Variants in FXYD4 observed in about 807,000 individuals in gnomAD.
FXYD4 encodes FXYD domain-containing ion transport regulator 4.
In FXYD4, 14 loss-of-function variants were observed where a neutral mutation model predicts 18.3. The ratio of observed to expected loss-of-function variants is 0.77; its 90% CI spans 0.51 to 1.20. The LOEUF (loss-of-function observed/expected upper bound fraction) is 1.20. Among genes scored for constraint, FXYD4 ranks in the 50% most tolerant of loss-of-function variants. The pLI is 0.00. For synonymous variants in FXYD4, 40 were observed against 40.5 expected (o/e 0.99, Z 0.04); for missense variants, 99 against 106.1 (o/e 0.93, Z 0.29).
chr10:43,374,787 A>G, intron 5 of FXYD4, 148 bp downstream of exon 5: 1 of 761,008 alleles, frequency 1.3e-6, no homozygotes, highest in East Asian at 2.5e-5. Context: ...CGCTCCAACA[A>G]GGGGAGGGTG....
intron 7 of FXYD4, 51 bp downstream of exon 7, chr10:43,375,785 G>A: frequency 6.4e-7 from 1 of 1,573,008 alleles, no homozygotes; most frequent in Non-Finnish European, 8.8e-7. Context: ...ACTACGGGGG[G>A]ACAGTCCTGA....
chr10:43,375,506 A>G lies in FXYD4; in HGVS notation c.105A>G (p.Lys35=). Residue 35 remains lysine, a synonymous_variant, in exon 6 of 9, where the codon AAA becomes AAG. Transcript: ENST00000476166. ...NKDDPFYYDW[K]NLQLSGLICG... ...TCTCTGTACCCACCCCAGACTGGAA[A>G]AACCTGCAGCTGAGCGGACTGATCT... The G allele has an allele frequency of 6.2e-7, 1 of 1,613,832 alleles. No individual in the cohort carries two copies. The highest frequency in any genetic ancestry group is 8.5e-7 in the Non-Finnish European group (1 of 1,179,806).
rs73267969 is a variant in FXYD4 at position 43,375,356 on chromosome 10, C to T, written c.98-143C>T. ...TTTTTTTCTTCTTAGTGTTTCCCCACGAGACGCAGAATGATGCCTCTGTTG... is the reference window on the plus strand; with the variant it reads ...TTTTTTTCTTCTTAGTGTTTCCCCATGAGACGCAGAATGATGCCTCTGTTG... On this transcript the variant is annotated intron_variant, in intron 5 of 8. Transcript: ENST00000476166. 0.021 allele frequency: 13,495 copies of T among 652,258 alleles called. 1,191 individuals are homozygous for T. The highest frequency in any genetic ancestry group is 0.2 in the African/African-American group (11,242 of 55,152). The allele number at this position is 652,258 out of a possible 1,614,324, so 40.4% of individuals were successfully genotyped here. A position where few individuals can be genotyped will look rare whatever the true frequency, so the allele number is the denominator to read the frequency against.
At position 43,376,034 on chromosome 10, in the gene FXYD4, C is replaced by T. The variant is rs751528178; in HGVS notation, c.215C>T (p.Pro72Leu). Residue 72 changes from proline (P) to leucine (L), a missense_variant and splice_region_variant, in exon 8 of 9, where the codon CCT (proline) becomes CTT (leucine). By Grantham distance (98) the Pro-to-Leu change is moderately conservative. Coordinates refer to ENST00000476166, the MANE Select transcript of FXYD4 (RefSeq NM_173160.3). Reference sequence around the variant, plus strand: ...CTCTGATGTGGTCCTTTCTCTAGTCCTGTACCTGAGAAGGCCATCCCACTC... The same window carrying T: ...CTCTGATGTGGTCCTTTCTCTAGTCTTGTACCTGAGAAGGCCATCCCACTC... ...KCKSSQKQHS[P>L]VPEKAIPLIT... 3 of 1,614,016 alleles carry T rather than the reference C, an allele frequency of 1.9e-6. No individual in the cohort carries two copies. The highest frequency in any genetic ancestry group is 2.5e-6 in the Non-Finnish European group (3 of 1,179,984).
rs1837864984 is a variant in FXYD4, at chr10:43,375,848, T to A, written c.212+114T>A. On this transcript the variant is annotated intron_variant, in intron 7 of 8. Coordinates refer to ENST00000476166, the MANE Select transcript of FXYD4 (RefSeq NM_173160.3). ...CTCGCTGGGCTTGCAGCTGGCTTTGTTATTCAGATAGTCAACCCTGAAGGG... is the reference window on the plus strand; with the variant it reads ...CTCGCTGGGCTTGCAGCTGGCTTTGATATTCAGATAGTCAACCCTGAAGGG... 1.6e-5 allele frequency: 20 copies of A among 1,279,064 alleles called. 2 individuals carry two copies. The South Asian group carries it at 2.3e-4, about 14-fold the overall frequency. 79.2% of individuals were successfully genotyped at this position (1,279,064 alleles called of 1,614,324 possible). A position where few individuals can be genotyped will look rare whatever the true frequency, so the allele number is the denominator to read the frequency against.
At chr10:43,373,862 TTGGGAGTC>T (rs1400108211) in intron 3 of FXYD4, 79 bp downstream of exon 3, 8 of 933,954 alleles carry the variant, frequency 8.6e-6, no homozygotes, top group Non-Finnish European at 1.4e-5. Flanking sequence ...AACATCTCCT[TTGGGAGTC>T]TGGTGTTCAA....
chr10:43,374,451 C>A lies in FXYD4; in HGVS notation c.38-19C>A. On this transcript the variant is annotated intron_variant, in intron 3 of 8. Coordinates refer to ENST00000476166, the MANE Select transcript of FXYD4 (RefSeq NM_173160.3). ...AGTGTCATGAATTCCCACACATTTT[C>A]TCTGCTCCTCCCACACAGGCCTGAC... 1.2e-6 allele frequency: 2 copies of A among 1,613,622 alleles called. No homozygotes were observed. Among genetic ancestry groups the A allele is most frequent in the Non-Finnish European group, 1.7e-6 (2 of 1,179,616 alleles).
Position 43,375,769 on chromosome 10 carries a change from G to C in FXYD4, c.212+35G>C, listed in dbSNP as rs967380683. 3 of 1,608,082 alleles carry C rather than the reference G, an allele frequency of 1.9e-6. No homozygotes were observed. The African/African-American group carries it at 4.0e-5, about 22-fold the overall frequency. On this transcript the variant is annotated intron_variant, in intron 7 of 8. Coordinates refer to ENST00000476166, the MANE Select transcript of FXYD4 (RefSeq NM_173160.3). ...ACCCTATGGTGCCCTCCTCCTTCGG[G>C]GCAGAACTACGGGGGGACAGTCCTG... is the stretch of plus-strand genomic sequence containing the variant.
intron 2 of FXYD4, among the ~76,000 whole-genome samples, chr10:43,373,049 T>C (rs371277455): frequency 6.6e-6 from 1 of 152,082 alleles, no homozygotes; most frequent in African/African-American, 2.4e-5. Context: ...CTGGGTCTGC[T>C]GGAGTAGGGT....
chr10:43,375,460 C>T, intron 5 of FXYD4, 39 bp from the exon 6 acceptor site: 1 of 1,518,942 alleles, frequency 6.6e-7, no homozygotes, highest in Non-Finnish European at 9.1e-7. Context: ...TGACTGAGGC[C>T]CCAGGCTGGT....
intron 3 of FXYD4, 57 bp downstream of exon 3, chr10:43,373,840 CA>C: frequency 8.5e-7 from 1 of 1,181,226 alleles, no homozygotes; most frequent in Non-Finnish European, 1.3e-6. Context: ...ACAAAGGCAG[CA>C]AAAGCCAGAC....
intron 3 of FXYD4, among the ~76,000 whole-genome samples, 194 bp from the exon 4 acceptor site, chr10:43,374,276 C>T (rs994019545): frequency 1.3e-5 from 2 of 152,176 alleles, no homozygotes; most frequent in Admixed American, 6.5e-5. Context: ...CACACAGGAG[C>T]ATCAGGAAGC....
At chr10:43,374,408 C>T (rs1837843251) in intron 3 of FXYD4, 62 bp from the exon 4 acceptor site, 1 of 1,549,678 alleles carries the variant, frequency 6.5e-7, no homozygotes, top group East Asian at 2.2e-5. Flanking sequence ...GTCCTGCTGT[C>T]TGGCTTACTT....
chr10:43,375,917 C>T, intron 7 of FXYD4, 115 bp from the exon 8 acceptor site: 3 of 1,272,272 alleles, frequency 2.4e-6, no homozygotes, highest in Non-Finnish European at 3.5e-6. Context: ...GGGAAGTGAC[C>T]ATGGAAGGAG....
At chr10:43,376,006 C>G (rs1194133172) in intron 7 of FXYD4, 26 bp from the exon 8 acceptor site, 2 of 1,613,378 alleles carry the variant, frequency 1.2e-6, no homozygotes, top group Non-Finnish European at 1.7e-6. Flanking sequence ...TAACCTGATA[C>G]TACTCTGATG....
chr10:43,374,951 C>A (rs1415746180), intron 5 of FXYD4, among the ~76,000 whole-genome samples: 2 of 152,050 alleles, frequency 1.3e-5, no homozygotes, highest in East Asian at 3.9e-4. Flanking sequence ...CCTCCTCTCC[C>A]CTGGGCCTCA....
intron 1 of FXYD4, among the ~76,000 whole-genome samples, chr10:43,372,353 C>T (rs907952740): frequency 1.1e-4 from 17 of 152,250 alleles, no homozygotes; most frequent in African/African-American, 3.1e-4. Context: ...GCCAGGATCT[C>T]GGCTCACTGC....
Position 43,374,621 on chromosome 10 carries a change from G to A in FXYD4, c.79G>A (p.Asp27Asn), listed in dbSNP as rs768250294. 9 of 1,613,560 alleles carry A rather than the reference G, an allele frequency of 5.6e-6. No homozygotes were observed. In the African/African-American group the frequency reaches 8.0e-5, roughly 14 times the overall value. The change falls in exon 5 of 9, where the codon GAC becomes AAC. Residue 27 changes from aspartate (D) to asparagine (N), a missense_variant. Asp to Asn is a conservative substitution (Grantham distance 23). Transcript: ENST00000476166. ...TGCCCCACTTTTTCTAGCCAATAAA[G>A]ACGATCCCTTCTACTATGGTAAGAG... ...LEANDPFANK[D>N]DPFYYDWKNL... is the part of the protein sequence containing the mutation.
chr10:43,374,745 TG>T, intron 5 of FXYD4, 106 bp downstream of exon 5: 2 of 921,418 alleles, frequency 2.2e-6, no homozygotes, highest in Non-Finnish European at 3.6e-6. Flanking sequence ...CAAAGTGGGA[TG>T]GGGGATTAAA....
Sources: gnomAD v4.1 joint callset for allele counts (sites outside exome capture counted in the v4.1 genomes callset) on GRCh38, gnomAD v4.1.1 for gene constraint, MANE v1.5 for transcripts, NCBI Gene and HGNC (gene_info 2026-07-23, HGNC 2026-07-21) for gene names.